SLAMF9: variants seen among roughly 807,000 people sequenced by gnomAD.
SLAMF9 encodes the protein CD2 family member 10.
A neutral mutation model predicts 30.4 loss-of-function variants in SLAMF9; 25 were observed. The ratio of observed to expected loss-of-function variants is 0.82; its 90% CI spans 0.60 to 1.15. SLAMF9 has a LOEUF of 1.15. SLAMF9 is among the 50% of genes most tolerant of loss of function. SLAMF9 has a pLI of 0.00. For synonymous variants in SLAMF9, 129 were observed against 127.2 expected (o/e 1.01, Z -0.09); for missense variants, 344 against 346.1 (o/e 0.99, Z 0.05).
At chr1:159,969,129 A>G in the SLAMF9 span, among the ~76,000 whole-genome samples, 3 of 152,186 alleles carry the variant, frequency 2.0e-5, no homozygotes, top group South Asian at 2.1e-4. Context: ...CAGAAGGAGA[A>G]GTGGAGGGTC....
the SLAMF9 span, among the ~76,000 whole-genome samples, chr1:159,959,565 C>A: frequency 6.6e-6 from 1 of 152,104 alleles, no homozygotes; most frequent in Non-Finnish European, 1.5e-5. Flanking sequence ...AGCCCATTAC[C>A]GGTTTTAACT....
upstream of SLAMF9, among the ~76,000 whole-genome samples, chr1:159,956,152 T>C (rs1415267538): frequency 6.6e-6 from 1 of 152,152 alleles, no homozygotes; most frequent in Admixed American, 6.5e-5. Flanking sequence ...ATATACACAA[T>C]GGAATACTAT....
upstream of SLAMF9, among the ~76,000 whole-genome samples, chr1:159,958,733 G>A (rs1410465345): frequency 6.6e-6 from 1 of 152,118 alleles, no homozygotes; most frequent in Non-Finnish European, 1.5e-5. Context: ...CCAAAGTGCT[G>A]GGATTACAAG....
chr1:159,952,345 C>T lies in SLAMF9; in HGVS notation c.581G>A (p.Ser194Asn), dbSNP rs780337449. The T allele has an allele frequency of 1.1e-5, 18 of 1,613,970 alleles. No individual in the cohort carries two copies. The highest frequency in any genetic ancestry group is 1.4e-5 in the Non-Finnish European group (17 of 1,180,012). Residue 194 changes from serine (S) to asparagine (N), a missense_variant, in exon 3 of 4, where the codon AGT (serine) becomes AAT (asparagine). Ser to Asn is a conservative substitution (Grantham distance 46). Coordinates refer to ENST00000368093, the MANE Select transcript of SLAMF9 (RefSeq NM_033438.4). ...VLSTSWRPGD[S>N]ALSYTCRANN... ...GGCTCTGCAGGTGTAGGAGAGGGCA[C>T]TGTCCCCCGGCCTCCAGGATGTGCT...
the SLAMF9 span, among the ~76,000 whole-genome samples, chr1:159,966,970 T>C: frequency 1.6e-4 from 24 of 152,290 alleles, no homozygotes; most frequent in African/African-American, 5.5e-4. Context: ...TTGCTATGCA[T>C]AAACTTTTTA....
chr1:159,973,145 A>G, the SLAMF9 span: 22,338 of 1,538,978 alleles, frequency 0.015, 305 homozygotes, highest in South Asian at 0.033. Context: ...AGGTGTGGCC[A>G]TCCTTGTGGA....
intron 2 of SLAMF9, 151 bp from the exon 3 acceptor site, chr1:159,952,685 T>G: frequency 1.2e-6 from 1 of 807,398 alleles, no homozygotes; most frequent in Admixed American, 2.8e-5. Context: ...CCAACCACCA[T>G]AAAACCTGTG....
At chr1:159,975,870 G>T in the SLAMF9 span, among the ~76,000 whole-genome samples, 12 of 152,234 alleles carry the variant, frequency 7.9e-5, no homozygotes, top group Non-Finnish European at 1.8e-4. Flanking sequence ...GCAAGACGCT[G>T]ATCTGTAGGA....
chr1:159,978,026 C>T, the SLAMF9 span, among the ~76,000 whole-genome samples: 1 of 152,160 alleles, frequency 6.6e-6, no homozygotes, highest in Non-Finnish European at 1.5e-5. Context: ...CTTCCTCCCT[C>T]TTCCTACACA....
chr1:159,969,966 C>T, the SLAMF9 span, among the ~76,000 whole-genome samples: 1 of 152,122 alleles, frequency 6.6e-6, no homozygotes, highest in Non-Finnish European at 1.5e-5. Flanking sequence ...GGGAGGATCG[C>T]TTGAGCCCGG....
the SLAMF9 span, chr1:159,974,061 CAG>C: frequency 6.3e-7 from 1 of 1,593,812 alleles, no homozygotes; most frequent in South Asian, 1.1e-5. Context: ...GAGGTACAGC[CAG>C]GCTGCAAGGC....
chr1:159,963,541 A>G, the SLAMF9 span, among the ~76,000 whole-genome samples: 1 of 152,142 alleles, frequency 6.6e-6, no homozygotes, highest in African/African-American at 2.4e-5. Context: ...CTGTAAGGGC[A>G]ACCCATTCCT....
At chr1:159,982,742 A>G in the SLAMF9 span, among the ~76,000 whole-genome samples, 2 of 152,224 alleles carry the variant, frequency 1.3e-5, no homozygotes, top group African/African-American at 4.8e-5. Flanking sequence ...AGGAAACATA[A>G]CGACATGGCT....
chr1:159,967,769 C>A, the SLAMF9 span, among the ~76,000 whole-genome samples: 14 of 152,254 alleles, frequency 9.2e-5, no homozygotes, highest in East Asian at 2.5e-3. Flanking sequence ...TGTTTTCATT[C>A]ATTTCTTTCA....
chr1:159,954,314 C>T (rs1232445745), upstream of SLAMF9: 4 of 517,244 alleles, frequency 7.7e-6, no homozygotes, highest in African/African-American at 7.8e-5. Context: ...TAAGCCCCTC[C>T]CTATGTATCA....
upstream of SLAMF9, among the ~76,000 whole-genome samples, chr1:159,954,508 T>C (rs2101891891): frequency 6.6e-6 from 1 of 152,302 alleles, no homozygotes; most frequent in Admixed American, 6.5e-5. Context: ...CCTATCCTGT[T>C]ATTTGGCTCC....
chr1:159,977,394 T>C, the SLAMF9 span, among the ~76,000 whole-genome samples: 1 of 152,318 alleles, frequency 6.6e-6, no homozygotes, highest in Non-Finnish European at 1.5e-5. Context: ...GGTTAGCAGA[T>C]GTAGTCTTTA....
the SLAMF9 span, among the ~76,000 whole-genome samples, chr1:159,975,381 G>A: frequency 6.6e-6 from 1 of 152,156 alleles, no homozygotes; most frequent in Admixed American, 6.5e-5. Flanking sequence ...TTCAGTATAA[G>A]GGAGATGTAG....
At chr1:159,975,307 G>A in the SLAMF9 span, among the ~76,000 whole-genome samples, 2 of 152,220 alleles carry the variant, frequency 1.3e-5, no homozygotes, top group Non-Finnish European at 2.9e-5. Context: ...GAACTGCTTA[G>A]TTCTACCTGG....
Sources: gnomAD v4.1 joint callset for allele counts (sites outside exome capture counted in the v4.1 genomes callset) on GRCh38, gnomAD v4.1.1 for gene constraint, MANE v1.5 for transcripts, NCBI Gene and HGNC (gene_info 2026-07-23, HGNC 2026-07-21) for gene names.